The following CFAP299 variants were observed in gnomAD, a reference collection of about 807,000 sequenced individuals.
The protein encoded by CFAP299 is cilia- and flagella-associated protein 299.
A neutral mutation model predicts 27.0 loss-of-function variants in CFAP299; 21 were observed. That is an observed-to-expected ratio of 0.78 (90% confidence interval 0.55 to 1.12). CFAP299 has a LOEUF of 1.12. Among genes scored for constraint, CFAP299 ranks in the 50% most tolerant of loss-of-function variants. The probability of loss-of-function intolerance (pLI) is 0.00; values close to 1 mark genes in which losing one functional copy is unlikely to be tolerated. For missense variants in CFAP299, 310 were observed against 276.6 expected, an observed-to-expected ratio of 1.12 and a Z score of -0.86; for synonymous variants, 104 against 98.1, an observed-to-expected ratio of 1.06 and a Z score of -0.36.
rs190176230 is a variant in CFAP299, at chr4:80,411,305, C to T, written c.242+48421C>T. Among the ~76,000 whole-genome samples the T allele has an allele frequency of 2.0e-4, 31 of 152,234 alleles. No homozygotes were observed. The East Asian group carries it at 4.6e-3, about 23-fold the overall frequency. On this transcript the variant is annotated intron_variant, in intron 2 of 5. Transcript: ENST00000358105. ...ACAGCAATCCATATGTATAAACTGGCACTTAATTCATTAATTCTTAGTTGT... is the reference window on the plus strand; with the variant it reads ...ACAGCAATCCATATGTATAAACTGGTACTTAATTCATTAATTCTTAGTTGT...
At chr4:80,933,544 T>A (rs545478558) in intron 4 of CFAP299, among the ~76,000 whole-genome samples, 3 of 152,174 alleles carry the variant, frequency 2.0e-5, no homozygotes, top group Non-Finnish European at 4.4e-5. Context: ...TAGACATTTT[T>A]AAATATTAAT....
At chr4:80,799,300 TATA>T (rs1242985510) in intron 3 of CFAP299, among the ~76,000 whole-genome samples, 5 of 106,946 alleles carry the variant, frequency 4.7e-5, no homozygotes, top group Non-Finnish European at 6.7e-5. Context: ...AATATATTTA[TATA>T]ATATTTATAT....
chr4:80,664,330 CT>C (rs1354636538), intron 3 of CFAP299, among the ~76,000 whole-genome samples: 14 of 152,258 alleles, frequency 9.2e-5, no homozygotes, highest in African/African-American at 3.4e-4. Context: ...TCTGCTGAAG[CT>C]GCACCCATGG....
chr4:80,384,784 AGCACCT>A (rs1250347120), intron 2 of CFAP299, among the ~76,000 whole-genome samples: 1 of 152,122 alleles, frequency 6.6e-6, no homozygotes, highest in Non-Finnish European at 1.5e-5. Flanking sequence ...TTCTAATTTA[AGCACCT>A]CAGGGACATA....
At chr4:80,395,544 C>G (rs892460035) in intron 2 of CFAP299, among the ~76,000 whole-genome samples, 5 of 151,990 alleles carry the variant, frequency 3.3e-5, no homozygotes, top group African/African-American at 1.2e-4. Context: ...TACATTTCTT[C>G]TATACCAAAC....
intron 3 of CFAP299, among the ~76,000 whole-genome samples, chr4:80,845,458 A>G (rs1578176905): frequency 6.6e-6 from 1 of 152,092 alleles, no homozygotes; most frequent in Non-Finnish European, 1.5e-5. Flanking sequence ...CTCAAATTTT[A>G]TTTCACATCA....
At chr4:80,837,504 C>G (rs965761504) in intron 3 of CFAP299, among the ~76,000 whole-genome samples, 2 of 152,076 alleles carry the variant, frequency 1.3e-5, no homozygotes, top group Admixed American at 6.5e-5. Flanking sequence ...TCCCATTGTT[C>G]AACTCCCACT....
At chr4:80,844,867 C>G (rs548752698) in intron 3 of CFAP299, among the ~76,000 whole-genome samples, 1 of 152,266 alleles carries the variant, frequency 6.6e-6, no homozygotes, top group East Asian at 1.9e-4. Flanking sequence ...AGGTTTTCTT[C>G]CAGAGTTTTT....
intron 4 of CFAP299, among the ~76,000 whole-genome samples, chr4:80,928,162 G>C (rs1736395963): frequency 6.6e-6 from 1 of 152,044 alleles, no homozygotes; most frequent in Non-Finnish European, 1.5e-5. Flanking sequence ...CTTAAACCTA[G>C]GTTCACAGTA....
chr4:80,712,332 C>G (rs1722224886), intron 3 of CFAP299, among the ~76,000 whole-genome samples: 1 of 152,156 alleles, frequency 6.6e-6, no homozygotes, highest in Admixed American at 6.5e-5. Flanking sequence ...GCCAATACAG[C>G]TGAGATAAAG....
chr4:80,702,278 A>G (rs544526), intron 3 of CFAP299, among the ~76,000 whole-genome samples: 141,537 of 151,796 alleles, frequency 0.93, 66,060 homozygotes, highest in East Asian at 1. Flanking sequence ...TTTGACATGC[A>G]TTTCATGAAT....
intron 4 of CFAP299, among the ~76,000 whole-genome samples, chr4:80,917,398 C>T (rs142525841): frequency 1.4e-4 from 21 of 152,072 alleles, no homozygotes; most frequent in African/African-American, 5.1e-4. Context: ...AAAAGGAAAA[C>T]TAATAATTAC....
At chr4:80,878,406 T>C (rs1242354998) in intron 4 of CFAP299, among the ~76,000 whole-genome samples, 1 of 152,116 alleles carries the variant, frequency 6.6e-6, no homozygotes, top group East Asian at 1.9e-4. Flanking sequence ...ATATTTCTTT[T>C]AGACAAGAAC....
chr4:80,612,622 C>T (rs1275129932), intron 3 of CFAP299, among the ~76,000 whole-genome samples: 1 of 151,984 alleles, frequency 6.6e-6, no homozygotes, highest in Admixed American at 6.5e-5. Flanking sequence ...TATTTGTTTA[C>T]CCAAACTATC....
chr4:80,542,891 C>G (rs1008561615), intron 2 of CFAP299, among the ~76,000 whole-genome samples: 1 of 152,068 alleles, frequency 6.6e-6, no homozygotes, highest in African/African-American at 2.4e-5. Flanking sequence ...GTGCTTCTCA[C>G]CTGCATGCCC....
intron 2 of CFAP299, among the ~76,000 whole-genome samples, chr4:80,505,989 C>T (rs1049689357): frequency 3.3e-5 from 5 of 149,762 alleles, no homozygotes; most frequent in Admixed American, 6.7e-5. Flanking sequence ...CACACACACA[C>T]GTGTGTGCGT....
intron 4 of CFAP299, among the ~76,000 whole-genome samples, chr4:80,917,690 A>G (rs1735832532): frequency 6.6e-6 from 1 of 152,162 alleles, no homozygotes; most frequent in African/African-American, 2.4e-5. Flanking sequence ...CCCAAAGAAT[A>G]TGAGCCTTTT....
intron 3 of CFAP299, among the ~76,000 whole-genome samples, chr4:80,695,617 C>T (rs894249365): frequency 1.3e-5 from 2 of 151,696 alleles, no homozygotes; most frequent in East Asian, 3.9e-4. Flanking sequence ...GTGTAGACCA[C>T]ATATGCTCTA....
chr4:80,396,292 T>C (rs1214973888), intron 2 of CFAP299, among the ~76,000 whole-genome samples: 1 of 151,958 alleles, frequency 6.6e-6, no homozygotes, highest in East Asian at 1.9e-4. Flanking sequence ...TAGGGAGAGG[T>C]GTCAGGAGAT....
Sources: gnomAD v4.1 joint callset for allele counts (sites outside exome capture counted in the v4.1 genomes callset) on GRCh38, gnomAD v4.1.1 for gene constraint, MANE v1.5 for transcripts, NCBI Gene and HGNC (gene_info 2026-07-23, HGNC 2026-07-21) for gene names.